The following ATRNL1 variants were observed in gnomAD, a reference collection of about 807,000 sequenced individuals.
ATRNL1 encodes attractin-like protein 1.
ATRNL1 carries 95 observed loss-of-function variants against 182.7 expected under a neutral mutation model. The ratio of observed to expected loss-of-function variants is 0.52; its 90% CI spans 0.44 to 0.62. ATRNL1 has a LOEUF of 0.62. ATRNL1 is among the 20% of genes least tolerant of loss of function. The pLI is 0.00. For synonymous variants in ATRNL1, 576 were observed against 568.3 expected (o/e 1.01, Z -0.19); for missense variants, 1,471 against 1,679.5 (o/e 0.88, Z 2.17).
chr10:115,511,132 T>C (rs1317841200), intron 24 of ATRNL1, among the ~76,000 whole-genome samples: 1 of 151,990 alleles, frequency 6.6e-6, no homozygotes, highest in Non-Finnish European at 1.5e-5. Flanking sequence ...TATTTTGTCT[T>C]TTACAATTGT....
At chr10:115,536,162 T>G (rs1183318984) in intron 25 of ATRNL1, among the ~76,000 whole-genome samples, 4 of 152,124 alleles carry the variant, frequency 2.6e-5, no homozygotes, top group African/African-American at 4.8e-5. Flanking sequence ...GGACATTTAA[T>G]TCTGCAGAGG....
In ATRNL1 at chr10:115,380,788, T is replaced by A. The variant is rs981287357; in HGVS notation, c.3176-13871T>A. Among the ~76,000 whole-genome samples, 37 of 152,220 alleles carry A rather than the reference T, an allele frequency of 2.4e-4. 1 individual carries two copies. The highest frequency in any genetic ancestry group is 2.2e-3 in the Admixed American group (34 of 15,278). On this transcript the variant is annotated intron_variant, in intron 19 of 28. Transcript: ENST00000355044. The stretch of plus-strand genomic sequence containing the variant: ...ATATCATATTTTGTTTCTTCGTTAG[T>A]TGATGGACTTTTGACCTATTTCCAT...
intron 19 of ATRNL1, among the ~76,000 whole-genome samples, chr10:115,342,471 TAAAA>T (rs1341594529): frequency 2.0e-5 from 3 of 152,164 alleles, no homozygotes; most frequent in Non-Finnish European, 4.4e-5. Flanking sequence ...TGAAAACTAA[TAAAA>T]ACTCTATACC....
intron 9 of ATRNL1, among the ~76,000 whole-genome samples, chr10:115,229,372 A>G (rs1554899454): frequency 1.3e-5 from 2 of 152,068 alleles, no homozygotes; most frequent in Admixed American, 1.3e-4. Context: ...TTTATAAATT[A>G]TGTTATTATT....
chr10:115,311,953 T>C (rs1554927979), intron 17 of ATRNL1, among the ~76,000 whole-genome samples: 1 of 152,088 alleles, frequency 6.6e-6, no homozygotes, highest in African/African-American at 2.4e-5. Context: ...TCCATTGGCA[T>C]TGAATATCTT....
intron 28 of ATRNL1, among the ~76,000 whole-genome samples, chr10:115,904,982 A>G (rs1379135509): frequency 4.6e-5 from 7 of 152,186 alleles, no homozygotes; most frequent in African/African-American, 1.2e-4. Flanking sequence ...TGGAGTTTCT[A>G]TCACTCGGAT....
rs371495835 is a variant in ATRNL1, at chr10:115,579,875, G to C, written c.3795+30339G>C. Among the ~76,000 whole-genome samples the C allele has an allele frequency of 2.6e-4, 39 of 151,590 alleles. 1 individual carries two copies. In the South Asian group the frequency reaches 7.9e-3, roughly 31 times the overall value. On this transcript the variant is annotated intron_variant, in intron 26 of 28. Coordinates refer to ENST00000355044, the MANE Select transcript of ATRNL1 (RefSeq NM_207303.4). ...TAATTGCTGTTCCTTTTTCTTTTGTGTAACTTGTATAGGTATTTTCTTTGT... is the reference window on the plus strand; with the variant it reads ...TAATTGCTGTTCCTTTTTCTTTTGTCTAACTTGTATAGGTATTTTCTTTGT...
At chr10:115,741,871 GA>G (rs1948149331) in intron 27 of ATRNL1, among the ~76,000 whole-genome samples, 1 of 152,086 alleles carries the variant, frequency 6.6e-6, no homozygotes, top group Non-Finnish European at 1.5e-5. Context: ...TTGCTACAAA[GA>G]AACAAAGATT....
intron 27 of ATRNL1, among the ~76,000 whole-genome samples, chr10:115,790,126 T>A (rs1949493187): frequency 6.6e-6 from 1 of 152,222 alleles, no homozygotes; most frequent in African/African-American, 2.4e-5. Flanking sequence ...TTTCATGTGT[T>A]TCCCAAATCA....
At chr10:115,246,253 G>C (rs1016568262) in intron 10 of ATRNL1, among the ~76,000 whole-genome samples, 1 of 151,994 alleles carries the variant, frequency 6.6e-6, no homozygotes, top group African/African-American at 2.4e-5. Context: ...ATAAGATGTT[G>C]TATTCAGAAT....
chr10:115,513,668 A>G (rs559677731), intron 24 of ATRNL1, among the ~76,000 whole-genome samples: 18 of 152,028 alleles, frequency 1.2e-4, no homozygotes, highest in South Asian at 4.1e-4. Context: ...TCATCCTTGT[A>G]TCTGCCTTCC....
rs74771541 is a variant in ATRNL1, at chr10:115,562,082, G to A, written c.3795+12546G>A. On this transcript the variant is annotated intron_variant, in intron 26 of 28. Transcript: ENST00000355044. ...TAAAACTTTTACGTTAATGTTTATA[G>A]CACCATTATTCATTACAGCTTTAAA... Among the ~76,000 whole-genome samples, 12 of 152,188 alleles carry A rather than the reference G, an allele frequency of 7.9e-5. No homozygotes were observed. The East Asian group carries it at 1.9e-3, about 24-fold the overall frequency.
intron 8 of ATRNL1, among the ~76,000 whole-genome samples, chr10:115,194,874 T>C (rs1343695427): frequency 1.3e-5 from 2 of 151,854 alleles, no homozygotes; most frequent in Admixed American, 6.6e-5. Flanking sequence ...TGTTTTGTGG[T>C]TACCATGAGG....
chr10:115,334,074 A>G (rs1028694810), intron 18 of ATRNL1, among the ~76,000 whole-genome samples: 1 of 152,214 alleles, frequency 6.6e-6, no homozygotes, highest in East Asian at 1.9e-4. Context: ...TAAAGAGGTT[A>G]AGGTAAAATT....
chr10:115,657,177 A>G lies in ATRNL1; in HGVS notation c.3796-70071A>G, dbSNP rs569308973. On this transcript the variant is annotated intron_variant, in intron 26 of 28. Transcript: ENST00000355044. The stretch of plus-strand genomic sequence containing the variant: ...TAAAATGTCCTAATGTAAAAGATAC[A>G]TAAAATGAAGGTAATTTATAATAAA... Among the ~76,000 whole-genome samples, 31 of 152,300 alleles carry G rather than the reference A, an allele frequency of 2.0e-4. 1 individual carries two copies. The highest frequency in any genetic ancestry group is 4.1e-4 in the South Asian group (2 of 4,828).
rs560005367 is a variant in ATRNL1 at position 115,514,804 on chromosome 10, T to G, written c.3655-4459T>G. Among the ~76,000 whole-genome samples the G allele has an allele frequency of 7.2e-5, 11 of 152,074 alleles. No homozygotes were observed. The South Asian group carries it at 1.9e-3, about 26-fold the overall frequency. The stretch of plus-strand genomic sequence containing the variant: ...AGTGAAGACTCATATTTGAATATTA[T>G]ATATTTTAATAATCAATGCTTTTTT... On this transcript the variant is annotated intron_variant, in intron 24 of 28. Transcript: ENST00000355044.
intron 1 of ATRNL1, among the ~76,000 whole-genome samples, chr10:115,098,364 T>G (rs187224713): frequency 6.6e-6 from 1 of 150,992 alleles, no homozygotes; most frequent in Admixed American, 6.6e-5. Flanking sequence ...TTAGTGCATT[T>G]TATACACGTA....
At chr10:115,397,821 G>C (rs1844363735) in intron 20 of ATRNL1, among the ~76,000 whole-genome samples, 1 of 151,956 alleles carries the variant, frequency 6.6e-6, no homozygotes, top group African/African-American at 2.4e-5. Context: ...AATGAAAGGG[G>C]AAAAAGCTGG....
At chr10:115,900,589 C>T (rs533900835) in intron 28 of ATRNL1, among the ~76,000 whole-genome samples, 4 of 151,710 alleles carry the variant, frequency 2.6e-5, no homozygotes, top group African/African-American at 9.6e-5. Flanking sequence ...AATTTCACAA[C>T]AACCCCATGA....
Sources: allele counts gnomAD v4.1 joint callset (sites outside exome capture counted in the v4.1 genomes callset), GRCh38; gene constraint gnomAD v4.1.1; transcripts MANE v1.5; gene names NCBI Gene and HGNC (gene_info 2026-07-23, HGNC 2026-07-21).